SRGAP1: variants seen among roughly 807,000 people sequenced by gnomAD.
SRGAP1 encodes SLIT-ROBO Rho GTPase-activating protein 1.
A neutral mutation model predicts 121.9 loss-of-function variants in SRGAP1; 43 were observed. The ratio of observed to expected loss-of-function variants is 0.35; its 90% confidence interval spans 0.28 to 0.46. The LOEUF (loss-of-function observed/expected upper bound fraction) is 0.46. SRGAP1 is among the 20% of genes least tolerant of loss of function. The pLI is 1.00. For missense variants in SRGAP1, 1,102 were observed against 1,350.9 expected (o/e 0.82, Z 2.89); for synonymous variants, 447 against 485.4 (o/e 0.92, Z 1.04).
At chr12:63,971,302 CCTGTCTGTAGA>C (rs2055004847) in intron 1 of SRGAP1, among the ~76,000 whole-genome samples, 2 of 152,292 alleles carry the variant, frequency 1.3e-5, no homozygotes, top group South Asian at 4.1e-4. Context: ...TACATGTTTT[CCTGTCTGTAGA>C]CCAGGAGGTA....
intron 1 of SRGAP1, among the ~76,000 whole-genome samples, chr12:63,867,667 G>GT (rs1374506881): frequency 6.6e-6 from 1 of 151,758 alleles, no homozygotes; most frequent in Non-Finnish European, 1.5e-5. Flanking sequence ...AGCTTAACAC[G>GT]TTTTTTTGTC....
intron 2 of SRGAP1, 117 bp downstream of exon 2, chr12:63,984,259 T>C: frequency 2.1e-6 from 1 of 474,614 alleles, no homozygotes; most frequent in Non-Finnish European, 3.5e-6. Flanking sequence ...GAGCATATTC[T>C]CATAAATAAA....
Position 64,157,033 on chromosome 12 carries a change from A to G in SRGAP1, c.*14361A>G, listed in dbSNP as rs985572489. 5.3e-5 allele frequency: 8 copies of G among 152,104 alleles called. No individual in the cohort carries two copies. Among genetic ancestry groups the G allele is most frequent in the African/African-American group, 1.9e-4 (8 of 41,382 alleles). The allele number at this position is 152,104 out of a possible 1,614,324, so 9.4% of individuals were successfully genotyped here. The stretch of plus-strand genomic sequence containing the variant: ...TGCACTTCTAAAAAAAAAAGGGGGC[A>G]TTCTTGGCAGGAGAAAGGGTGTTAC... On this transcript the variant is annotated 3_prime_UTR_variant, in exon 22 of 22. Transcript: ENST00000355086.
chr12:63,918,211 TG>T (rs1448715346), intron 1 of SRGAP1, among the ~76,000 whole-genome samples: 1 of 152,176 alleles, frequency 6.6e-6, no homozygotes, highest in Non-Finnish European at 1.5e-5. Context: ...AGAATAATAT[TG>T]TGCTGGACAA....
intron 6 of SRGAP1, among the ~76,000 whole-genome samples, chr12:64,049,581 T>C (rs940415902): frequency 6.6e-6 from 1 of 152,128 alleles, no homozygotes; most frequent in Non-Finnish European, 1.5e-5. Flanking sequence ...TCACATGACA[T>C]GTGGGGATTA....
At chr12:63,900,905 A>G (rs558522350) in intron 1 of SRGAP1, among the ~76,000 whole-genome samples, 1 of 152,224 alleles carries the variant, frequency 6.6e-6, no homozygotes, top group Non-Finnish European at 1.5e-5. Context: ...AGGTTTATGT[A>G]TAACAGGAGT....
intron 8 of SRGAP1, among the ~76,000 whole-genome samples, chr12:64,078,189 G>A (rs1008183265): frequency 1.3e-5 from 2 of 152,162 alleles, no homozygotes; most frequent in Non-Finnish European, 2.9e-5. Context: ...AAACAGTTAA[G>A]CAGCAATTCT....
At chr12:64,103,060 A>G (rs1018938639) in intron 15 of SRGAP1, among the ~76,000 whole-genome samples, 2 of 152,124 alleles carry the variant, frequency 1.3e-5, no homozygotes, top group African/African-American at 4.8e-5. Flanking sequence ...ATCACAGCTC[A>G]CTGCAACCTC....
intron 2 of SRGAP1, among the ~76,000 whole-genome samples, chr12:63,988,796 A>C (rs2033481198): frequency 6.6e-6 from 1 of 152,156 alleles, no homozygotes; most frequent in African/African-American, 2.4e-5. Flanking sequence ...TTTAAAGAAA[A>C]AACAAACAAA....
rs566861207 is a variant in SRGAP1, at chr12:64,108,912, A to G, written c.1814-20A>G. 1.2e-5 allele frequency: 19 copies of G among 1,569,112 alleles called. No individual in the cohort carries two copies. The East Asian group carries it at 3.4e-4, about 28-fold the overall frequency. ...TGTGGCAAGTGAAAGGACTCTGACCATGTCATCTTCTGTCTGTAGGAATAG... is the reference window on the plus strand; with the variant it reads ...TGTGGCAAGTGAAAGGACTCTGACCGTGTCATCTTCTGTCTGTAGGAATAG... On this transcript the variant is annotated intron_variant, in intron 15 of 21. Coordinates refer to ENST00000355086, the MANE Select transcript of SRGAP1 (RefSeq NM_020762.4).
At chr12:63,933,069 T>C (rs1032065166) in intron 1 of SRGAP1, among the ~76,000 whole-genome samples, 15 of 152,208 alleles carry the variant, frequency 9.9e-5, no homozygotes, top group African/African-American at 3.4e-4. Flanking sequence ...GCGCCTGTAG[T>C]CCCAGCTACT....
rs139203608 is a variant in SRGAP1, at chr12:63,849,920, C to G, written c.67+5037C>G. Among the ~76,000 whole-genome samples the G allele has an allele frequency of 6.6e-5, 10 of 152,190 alleles. No individual in the cohort carries two copies. In the East Asian group the frequency reaches 1.9e-3, roughly 29 times the overall value. ...ATCTAAATAGGAGATAGAACAGTTA[C>G]CTATTGAGACTTTACATTCATTGAA... On this transcript the variant is annotated intron_variant, in intron 1 of 21. Transcript: ENST00000355086.
At chr12:64,003,256 T>C (rs1298477795) in intron 3 of SRGAP1, among the ~76,000 whole-genome samples, 1 of 151,958 alleles carries the variant, frequency 6.6e-6, no homozygotes, top group African/African-American at 2.4e-5. Context: ...CCGGCTAATT[T>C]TTGTTATTTT....
chr12:63,954,626 C>T (rs1202797395), intron 1 of SRGAP1, among the ~76,000 whole-genome samples: 1 of 140,550 alleles, frequency 7.1e-6, no homozygotes, highest in African/African-American at 2.6e-5. Context: ...TGCAGTGAGC[C>T]GAGATCGTGC....
In SRGAP1 at chr12:63,954,832, T is replaced by C. The variant is rs2032412820; in HGVS notation, c.68-29115T>C. On this transcript the variant is annotated intron_variant, in intron 1 of 21. Coordinates refer to ENST00000355086, the MANE Select transcript of SRGAP1 (RefSeq NM_020762.4). Reference sequence around the variant, plus strand: ...ACAAGTTACTTATCGTTTTGGAAACTTGGTTTTTTAAATCTGTAAAATTAG... The same window carrying C: ...ACAAGTTACTTATCGTTTTGGAAACCTGGTTTTTTAAATCTGTAAAATTAG... 3.3e-5 allele frequency among the ~76,000 whole-genome samples: 5 copies of C among 152,244 alleles called. No individual in the cohort carries two copies. The South Asian group carries it at 1.0e-3, about 32-fold the overall frequency.
Position 63,916,648 on chromosome 12 carries a change from A to C in SRGAP1, c.68-67299A>C, listed in dbSNP as rs2030792130. On this transcript the variant is annotated intron_variant, in intron 1 of 21. Coordinates refer to ENST00000355086, the MANE Select transcript of SRGAP1 (RefSeq NM_020762.4). The stretch of plus-strand genomic sequence containing the variant: ...TCTAAGCATAGAGGGGCTGGAGGGA[A>C]ATGACGGGGAACATTTGAATCAGGA... Among the ~76,000 whole-genome samples, 3 of 38,662 alleles carry C rather than the reference A, an allele frequency of 7.8e-5. No homozygotes were observed. In the Admixed American group the frequency reaches 1.2e-3, roughly 15 times the overall value. The allele number at this position is 38,662 out of a possible 152,430, so 25.4% of individuals were successfully genotyped here.
chr12:63,924,670 A>G (rs1022065662), intron 1 of SRGAP1, among the ~76,000 whole-genome samples: 1 of 152,102 alleles, frequency 6.6e-6, no homozygotes, highest in Non-Finnish European at 1.5e-5. Context: ...GCTTTTGGCA[A>G]TGCCACCTTT....
intron 1 of SRGAP1, among the ~76,000 whole-genome samples, chr12:63,886,402 T>G (rs566353445): frequency 4.6e-4 from 68 of 149,382 alleles, no homozygotes; most frequent in Middle Eastern, 3.4e-3. Context: ...AGTCTAAAAT[T>G]TATATGAAGT....
chr12:64,064,298 G>A (rs1420045047), intron 7 of SRGAP1, among the ~76,000 whole-genome samples: 3 of 152,112 alleles, frequency 2.0e-5, no homozygotes, highest in Non-Finnish European at 4.4e-5. Context: ...TGAGCCAAGA[G>A]CATTTCTAAA....
Sources: gnomAD v4.1 joint callset for allele counts (sites outside exome capture counted in the v4.1 genomes callset) on GRCh38, gnomAD v4.1.1 for gene constraint, MANE v1.5 for transcripts, NCBI Gene and HGNC (gene_info 2026-07-23, HGNC 2026-07-21) for gene names.